The following CFAP47 variants were observed in gnomAD, a reference collection of about 807,000 sequenced individuals.
The protein encoded by CFAP47 is cilia- and flagella-associated protein 47.
Under a neutral mutation model 148.1 loss-of-function variants are expected in CFAP47, and 29 were observed. The observed-to-expected ratio is 0.20, with a 90% CI of 0.15 to 0.27. CFAP47 has a LOEUF of 0.27. CFAP47 is among the 10% of genes least tolerant of loss of function. The probability of loss-of-function intolerance (pLI) is 1.00; values close to 1 mark genes in which losing one functional copy is unlikely to be tolerated. For synonymous variants in CFAP47, 664 were observed against 577.3 expected (o/e 1.15, Z -2.15); for missense variants, 1,872 against 1,697.5 (o/e 1.10, Z -1.81).
chrX:35,956,870 T>C (rs1219855375), intron 8 of CFAP47, among the ~76,000 whole-genome samples: 1 of 111,472 alleles, frequency 9.0e-6, no homozygotes, highest in African/African-American at 3.3e-5. Context: ...TTTTGGAATA[T>C]AGCCACTCTT....
chrX:36,232,599 TG>T lies in CFAP47; in HGVS notation c.7015-3334del, dbSNP rs1388900159. ...TCATTAATTTTTTAAAGGGTTTTTTTGTGTCTCTATTTCCTTCAGTTCTGCT... is the reference window on the plus strand; with the variant it reads ...TCATTAATTTTTTAAAGGGTTTTTTTTGTCTCTATTTCCTTCAGTTCTGCT... On this transcript the variant is annotated intron_variant, in intron 46 of 63. Transcript: ENST00000378653. 8.9e-3 allele frequency among the ~76,000 whole-genome samples: 994 copies of T among 111,960 alleles called. 11 individuals carry two copies. Among genetic ancestry groups the T allele is most frequent in the African/African-American group, 0.03 (934 of 30,784 alleles).
At chrX:36,278,004 C>T (rs1359732298) in intron 49 of CFAP47, among the ~76,000 whole-genome samples, 4 of 111,694 alleles carry the variant, frequency 3.6e-5, no homozygotes, top group Admixed American at 2.8e-4. Context: ...GTCAATCGGC[C>T]CCTACTGGGA....
chrX:35,999,932 A>C (rs1405946387), intron 19 of CFAP47, among the ~76,000 whole-genome samples: 1 of 111,993 alleles, frequency 8.9e-6, no homozygotes, highest in Non-Finnish European at 1.9e-5. Context: ...TTTTAAAACA[A>C]GAAGCGATAT....
At chrX:36,188,142 C>A (rs949375021) in intron 40 of CFAP47, among the ~76,000 whole-genome samples, 6 of 111,547 alleles carry the variant, frequency 5.4e-5, no homozygotes, top group African/African-American at 1.6e-4. Context: ...AGAAATTAAT[C>A]AAATTCCGAA....
chrX:35,974,265 G>T (rs1305411390), intron 13 of CFAP47, among the ~76,000 whole-genome samples: 2 of 111,883 alleles, frequency 1.8e-5, no homozygotes, highest in Non-Finnish European at 3.8e-5. Context: ...TGAGTTAGGA[G>T]AACAAGTGAA....
At chrX:36,138,748 A>G (rs774463351) in intron 35 of CFAP47, among the ~76,000 whole-genome samples, 4 of 111,471 alleles carry the variant, frequency 3.6e-5, no homozygotes, top group African/African-American at 9.7e-5. Flanking sequence ...TATAATCATT[A>G]CTCAAAATCT....
intron 46 of CFAP47, among the ~76,000 whole-genome samples, chrX:36,231,822 A>G (rs1455490810): frequency 1.8e-5 from 2 of 111,673 alleles, no homozygotes; most frequent in Admixed American, 9.5e-5. Context: ...TTTAGCATGA[A>G]GGATTGTTGA....
intron 45 of CFAP47, among the ~76,000 whole-genome samples, chrX:36,214,842 C>G (rs1209616573): frequency 9.0e-6 from 1 of 110,963 alleles, no homozygotes; most frequent in Non-Finnish European, 1.9e-5. Flanking sequence ...TGGAATACCT[C>G]CTGAAGTAAC....
At chrX:36,302,011 C>T (rs1426043710) in intron 53 of CFAP47, among the ~76,000 whole-genome samples, 4 of 108,622 alleles carry the variant, frequency 3.7e-5, no homozygotes, top group Admixed American at 3.1e-4. Flanking sequence ...TTAGCCAAAA[C>T]AATGACATTT....
chrX:36,080,385 A>G (rs1324588737), intron 29 of CFAP47, among the ~76,000 whole-genome samples: 1 of 111,617 alleles, frequency 9.0e-6, no homozygotes, highest in African/African-American at 3.3e-5. Flanking sequence ...TTCCTCAAGG[A>G]TCTAGAACTA....
At chrX:36,163,455 CTT>C (rs1015302102) in intron 39 of CFAP47, among the ~76,000 whole-genome samples, 1 of 109,091 alleles carries the variant, frequency 9.2e-6, no homozygotes, top group African/African-American at 3.3e-5. Context: ...TTAGATGTCT[CTT>C]TTTTTTCTCA....
At chrX:36,269,728 C>A (rs10126395) in intron 49 of CFAP47, among the ~76,000 whole-genome samples, 1 of 111,605 alleles carries the variant, frequency 9.0e-6, no homozygotes, top group Admixed American at 9.5e-5. Flanking sequence ...CGCATGTATA[C>A]GCCTATGAAG....
intron 37 of CFAP47, among the ~76,000 whole-genome samples, chrX:36,152,975 C>T (rs916575192): frequency 1.8e-5 from 2 of 110,763 alleles, no homozygotes. Flanking sequence ...ATCCCAATAG[C>T]CCCCCAAAAT....
At chrX:36,332,539 G>A (rs989053934) in intron 57 of CFAP47, among the ~76,000 whole-genome samples, 8 of 111,251 alleles carry the variant, frequency 7.2e-5, no homozygotes, top group African/African-American at 2.3e-4. Context: ...ATTCATTTTA[G>A]AATTTTCCTA....
intron 57 of CFAP47, among the ~76,000 whole-genome samples, chrX:36,321,045 G>A (rs1441048474): frequency 4.5e-5 from 5 of 111,609 alleles, no homozygotes; most frequent in Admixed American, 2.9e-4. Flanking sequence ...CCTTAAGAAA[G>A]GAAATCAGTA....
At chrX:35,966,927 A>G (rs1276795806) in intron 9 of CFAP47, among the ~76,000 whole-genome samples, 173 bp downstream of exon 9, 1 of 110,546 alleles carries the variant, frequency 9.0e-6, no homozygotes, top group Non-Finnish European at 1.9e-5. Flanking sequence ...ATATATGTAT[A>G]TATATAAAAT....
At position 36,202,777 on chromosome X, in the gene CFAP47, C is replaced by T. The variant is rs782288615; in HGVS notation, c.6663+1277C>T. 1.6e-3 allele frequency among the ~76,000 whole-genome samples: 171 copies of T among 107,435 alleles called. 1 individual carries two copies. Among genetic ancestry groups the T allele is most frequent in the South Asian group, 0.011 (28 of 2,468 alleles). The allele number at this position is 107,435 out of a possible 115,157, so 93.3% of individuals were successfully genotyped here. On this transcript the variant is annotated intron_variant, in intron 44 of 63. Coordinates refer to ENST00000378653, the MANE Select transcript of CFAP47 (RefSeq NM_001304548.2). ...CTGTAATCCCAGCTACTTGGGAGGC[C>T]GAGACAGGAGAATTGCTTGAACCTG...
At chrX:36,295,276 C>T (rs909223400) in intron 51 of CFAP47, among the ~76,000 whole-genome samples, 14 of 112,165 alleles carry the variant, frequency 1.2e-4, no homozygotes, top group South Asian at 3.6e-4. Flanking sequence ...CACAAATTAA[C>T]TTTAAAAGCC....
intron 30 of CFAP47, among the ~76,000 whole-genome samples, chrX:36,085,863 C>T (rs1435099962): frequency 9.0e-6 from 1 of 110,503 alleles, no homozygotes; most frequent in African/African-American, 3.3e-5. Flanking sequence ...CAACAGTTTA[C>T]TGACCCTTAC....
Sources: allele counts gnomAD v4.1 joint callset (sites outside exome capture counted in the v4.1 genomes callset), GRCh38; gene constraint gnomAD v4.1.1; transcripts MANE v1.5; gene names NCBI Gene and HGNC (gene_info 2026-07-23, HGNC 2026-07-21).